FHIT: variants seen among roughly 807,000 people sequenced by gnomAD.
FHIT encodes bis(5'-adenosyl)-triphosphatase.
Under a neutral mutation model 17.9 loss-of-function variants are expected in FHIT, and 19 were observed. The ratio of observed to expected loss-of-function variants is 1.06; its 90% CI spans 0.74 to 1.56. FHIT has a LOEUF of 1.56. FHIT is among the 40% of genes most tolerant of loss of function. FHIT has a pLI of 0.00. For missense variants in FHIT, 248 were observed against 189.2 expected, an observed-to-expected ratio of 1.31 and a Z score of -1.82; for synonymous variants, 81 against 69.7, an observed-to-expected ratio of 1.16 and a Z score of -0.81.
intron 4 of FHIT, among the ~76,000 whole-genome samples, chr3:60,723,502 C>T (rs887229396): frequency 6.6e-6 from 1 of 152,194 alleles, no homozygotes. Flanking sequence ...GATCAGCTCC[C>T]AGCAGTAGCC....
At chr3:61,153,013 C>T (rs534647660) in intron 2 of FHIT, among the ~76,000 whole-genome samples, 64 of 152,052 alleles carry the variant, frequency 4.2e-4, no homozygotes, top group Non-Finnish European at 8.2e-4. Context: ...CGTGGTGACA[C>T]GCACCTGTAG....
intron 4 of FHIT, among the ~76,000 whole-genome samples, chr3:60,572,035 G>T (rs117920249): frequency 2.0e-5 from 3 of 151,322 alleles, no homozygotes; most frequent in East Asian, 3.9e-4. Context: ...TCTTTTTTTT[G>T]GGGGGGAAGA....
chr3:60,569,136 C>T (rs1202797981), intron 4 of FHIT, among the ~76,000 whole-genome samples: 1 of 152,010 alleles, frequency 6.6e-6, no homozygotes, highest in Non-Finnish European at 1.5e-5. Context: ...ATGTTTTATA[C>T]CCAAATTCAG....
intron 7 of FHIT, among the ~76,000 whole-genome samples, chr3:59,983,858 G>T (rs1708765955): frequency 6.6e-6 from 1 of 152,086 alleles, no homozygotes; most frequent in African/African-American, 2.4e-5. Context: ...TACCCCTGTG[G>T]CCAAAGGGGA....
At chr3:60,317,689 G>T (rs1414437561) in intron 5 of FHIT, among the ~76,000 whole-genome samples, 2 of 148,072 alleles carry the variant, frequency 1.4e-5, no homozygotes, top group Admixed American at 6.7e-5. Context: ...GTGCCAACAT[G>T]ACAACAAGTA....
intron 2 of FHIT, among the ~76,000 whole-genome samples, chr3:61,139,125 G>A (rs1301467184): frequency 1.3e-5 from 2 of 151,440 alleles, no homozygotes; most frequent in African/African-American, 4.9e-5. Flanking sequence ...CGCCTCCTGG[G>A]TTCACGCCAT....
chr3:60,387,138 C>T (rs2687171), intron 5 of FHIT, among the ~76,000 whole-genome samples: 44,472 of 151,168 alleles, frequency 0.29, 6,661 homozygotes, highest in East Asian at 0.47. Context: ...CAGGTGCCTG[C>T]CACCACACCT....
intron 5 of FHIT, among the ~76,000 whole-genome samples, chr3:60,450,395 T>C (rs1388557841): frequency 2.6e-5 from 4 of 152,032 alleles, no homozygotes; most frequent in Middle Eastern, 3.2e-3. Context: ...CCCCAAGATA[T>C]AAATATGTAT....
chr3:60,426,628 T>C (rs540902922), intron 5 of FHIT, among the ~76,000 whole-genome samples: 1 of 152,178 alleles, frequency 6.6e-6, no homozygotes, highest in East Asian at 1.9e-4. Context: ...AAAATCTAAA[T>C]CCAACTCCCA....
At chr3:60,221,594 G>A (rs1270470592) in intron 5 of FHIT, among the ~76,000 whole-genome samples, 1 of 152,172 alleles carries the variant, frequency 6.6e-6, no homozygotes, top group South Asian at 2.1e-4. Flanking sequence ...TCATGCGGTG[G>A]CTGCCTACTT....
intron 5 of FHIT, among the ~76,000 whole-genome samples, chr3:60,181,753 C>A (rs147996931): frequency 6.6e-6 from 1 of 152,140 alleles, no homozygotes; most frequent in Non-Finnish European, 1.5e-5. Flanking sequence ...CTTTAATTTT[C>A]ATTTCCATAG....
intron 5 of FHIT, among the ~76,000 whole-genome samples, chr3:60,414,981 T>C (rs1395160298): frequency 6.6e-6 from 1 of 152,184 alleles, no homozygotes; most frequent in Non-Finnish European, 1.5e-5. Context: ...ATTTGGGAGC[T>C]TGTTAATGGT....
At chr3:60,518,597 A>G (rs537622732) in intron 5 of FHIT, among the ~76,000 whole-genome samples, 1 of 152,374 alleles carries the variant, frequency 6.6e-6, no homozygotes, top group Non-Finnish European at 1.5e-5. Context: ...AATTTAGCAG[A>G]AACATTACCA....
intron 5 of FHIT, among the ~76,000 whole-genome samples, chr3:60,304,501 G>A (rs1382743795): frequency 6.6e-6 from 1 of 151,690 alleles, no homozygotes; most frequent in Non-Finnish European, 1.5e-5. Flanking sequence ...AGAGGTCATG[G>A]CCACATTTAC....
intron 5 of FHIT, among the ~76,000 whole-genome samples, chr3:60,142,298 T>A (rs549222826): frequency 2.0e-5 from 3 of 152,318 alleles, no homozygotes; most frequent in Admixed American, 2.0e-4. Flanking sequence ...GGGAACTGAA[T>A]TGGGTACTGC....
chr3:60,840,611 G>C (rs1279027264), intron 3 of FHIT, among the ~76,000 whole-genome samples: 2 of 152,174 alleles, frequency 1.3e-5, no homozygotes, highest in African/African-American at 4.8e-5. Flanking sequence ...AAGAGTGTCT[G>C]TGTTTATTTA....
chr3:59,958,650 A>T (rs192564631), intron 7 of FHIT, among the ~76,000 whole-genome samples: 100 of 152,326 alleles, frequency 6.6e-4, no homozygotes, highest in African/African-American at 2.3e-3. Context: ...GACAGTAAAC[A>T]ATGCCTTGGT....
At chr3:60,254,347 A>G (rs569604354) in intron 5 of FHIT, among the ~76,000 whole-genome samples, 6 of 152,306 alleles carry the variant, frequency 3.9e-5, no homozygotes, top group Non-Finnish European at 8.8e-5. Context: ...TTTATCTAAT[A>G]AGAAATGAAG....
intron 2 of FHIT, among the ~76,000 whole-genome samples, chr3:61,129,725 A>T (rs894121120): frequency 3.9e-5 from 6 of 152,204 alleles, no homozygotes; most frequent in Non-Finnish European, 8.8e-5. Context: ...ATGTCCATCC[A>T]ATTTCATCAA....
Sources: allele counts gnomAD v4.1 joint callset (sites outside exome capture counted in the v4.1 genomes callset), GRCh38; gene constraint gnomAD v4.1.1; transcripts MANE v1.5; gene names NCBI Gene and HGNC (gene_info 2026-07-23, HGNC 2026-07-21).